The following KCNB2 variants were observed in gnomAD, a reference collection of about 807,000 sequenced individuals.
The protein encoded by KCNB2 is potassium voltage-gated channel subfamily B member 2.
In KCNB2, 15 loss-of-function variants were observed where a neutral mutation model predicts 61.5. The observed-to-expected ratio is 0.24, with a 90% CI of 0.16 to 0.38. The LOEUF is 0.38. Ranked by LOEUF, KCNB2 falls within the 10% of genes least tolerant of loss-of-function variation. KCNB2 has a pLI of 1.00. For missense variants in KCNB2, 828 were observed against 1,125.2 expected, an observed-to-expected ratio of 0.74 and a Z score of 3.78; for synonymous variants, 457 against 446.0, an observed-to-expected ratio of 1.02 and a Z score of -0.31.
intron 2 of KCNB2, among the ~76,000 whole-genome samples, chr8:72,919,258 C>A (rs1461801906): frequency 6.6e-6 from 1 of 152,132 alleles, no homozygotes; most frequent in Non-Finnish European, 1.5e-5. Context: ...GGTTCGTGGC[C>A]GAAGTGGAGT....
intron 2 of KCNB2, among the ~76,000 whole-genome samples, chr8:72,792,071 C>G (rs931844672): frequency 6.6e-5 from 10 of 152,180 alleles, no homozygotes; most frequent in African/African-American, 2.4e-4. Context: ...GGAAGGATGT[C>G]TTCATCCCAT....
At chr8:72,597,950 C>A (rs1355648199) in intron 2 of KCNB2, among the ~76,000 whole-genome samples, 1 of 152,142 alleles carries the variant, frequency 6.6e-6, no homozygotes, top group African/African-American at 2.4e-5. Flanking sequence ...AACAGAAATA[C>A]CATTCGACCC....
At chr8:72,697,760 T>C (rs763731621) in intron 2 of KCNB2, among the ~76,000 whole-genome samples, 12 of 152,182 alleles carry the variant, frequency 7.9e-5, no homozygotes, top group Non-Finnish European at 1.6e-4. Context: ...GTTATTCTCA[T>C]TAAAAAAATG....
At chr8:72,815,884 G>T (rs1366371743) in intron 2 of KCNB2, among the ~76,000 whole-genome samples, 1 of 152,038 alleles carries the variant, frequency 6.6e-6, no homozygotes, top group Non-Finnish European at 1.5e-5. Context: ...AAGCTTGTGA[G>T]AACTACATGA....
chr8:72,569,189 A>C (rs1806673296), intron 2 of KCNB2, among the ~76,000 whole-genome samples: 2 of 152,192 alleles, frequency 1.3e-5, no homozygotes, highest in South Asian at 4.1e-4. Flanking sequence ...AAAATTCAAA[A>C]AGCCATCTTT....
chr8:72,784,726 G>A (rs555124555), intron 2 of KCNB2, among the ~76,000 whole-genome samples: 4 of 152,238 alleles, frequency 2.6e-5, no homozygotes, highest in Admixed American at 6.5e-5. Flanking sequence ...CCAACACATG[G>A]GGATTATAAT....
In KCNB2 at chr8:72,847,355, A is replaced by T. The variant is rs1810013514; in HGVS notation, c.580-88580A>T. On this transcript the variant is annotated intron_variant, in intron 2 of 2. Transcript: ENST00000523207. ...AACATCGCCCCCTTGTGGTCTTCCC[A>T]TCTCCACTTCAACATGGGACCTCCC... is the stretch of plus-strand genomic sequence containing the variant. Among the ~76,000 whole-genome samples, 7 of 152,162 alleles carry T rather than the reference A, an allele frequency of 4.6e-5. No homozygotes were observed. The South Asian group carries it at 1.5e-3, about 32-fold the overall frequency.
At chr8:72,787,630 A>G (rs1320388324) in intron 2 of KCNB2, among the ~76,000 whole-genome samples, 19 of 152,246 alleles carry the variant, frequency 1.2e-4, no homozygotes, top group Admixed American at 1.2e-3. Context: ...AGGAATTACA[A>G]CTGGAGATTG....
chr8:72,788,915 G>A (rs753995994), intron 2 of KCNB2, among the ~76,000 whole-genome samples: 3 of 152,030 alleles, frequency 2.0e-5, no homozygotes, highest in Non-Finnish European at 4.4e-5. Context: ...TAAATTCCAA[G>A]GAGCAAAAAC....
At chr8:72,742,623 G>A (rs542071858) in intron 2 of KCNB2, among the ~76,000 whole-genome samples, 1 of 152,270 alleles carries the variant, frequency 6.6e-6, no homozygotes, top group Non-Finnish European at 1.5e-5. Flanking sequence ...AAATAATGTG[G>A]TGATCAACCT....
chr8:72,605,954 GA>G (rs1173824217), intron 2 of KCNB2, among the ~76,000 whole-genome samples: 1 of 151,996 alleles, frequency 6.6e-6, no homozygotes, highest in Non-Finnish European at 1.5e-5. Context: ...ACAAAAGGAG[GA>G]AGAAAATTGT....
At chr8:72,927,325 C>G (rs1158970370) in intron 2 of KCNB2, among the ~76,000 whole-genome samples, 1 of 151,518 alleles carries the variant, frequency 6.6e-6, no homozygotes, top group Non-Finnish European at 1.5e-5. Context: ...GGCTGGAGTG[C>G]AGTGGTGCGA....
At chr8:72,719,646 A>T (rs544056902) in intron 2 of KCNB2, among the ~76,000 whole-genome samples, 13 of 152,274 alleles carry the variant, frequency 8.5e-5, no homozygotes, top group African/African-American at 2.9e-4. Context: ...TTAAAAGTAG[A>T]AAAAAGCTTC....
chr8:72,685,857 C>T (rs775721558), intron 2 of KCNB2, among the ~76,000 whole-genome samples: 27 of 152,236 alleles, frequency 1.8e-4, no homozygotes, highest in Non-Finnish European at 3.5e-4. Flanking sequence ...GGCGTGGTGG[C>T]GCATGCCTGT....
chr8:72,820,482 C>T (rs1261473321), intron 2 of KCNB2, among the ~76,000 whole-genome samples: 1 of 152,122 alleles, frequency 6.6e-6, no homozygotes, highest in African/African-American at 2.4e-5. Context: ...CAATTCCCAA[C>T]TGCAAAACAG....
chr8:72,805,386 T>C (rs1014977375), intron 2 of KCNB2, among the ~76,000 whole-genome samples: 17 of 152,164 alleles, frequency 1.1e-4, no homozygotes, highest in African/African-American at 3.6e-4. Flanking sequence ...AAAAAGATAC[T>C]GTTGCTCTCA....
At chr8:72,687,817 A>T (rs993398291) in intron 2 of KCNB2, among the ~76,000 whole-genome samples, 4 of 152,176 alleles carry the variant, frequency 2.6e-5, no homozygotes, top group African/African-American at 9.7e-5. Flanking sequence ...AAGGTGCATG[A>T]TGCCTCCATA....
chr8:72,843,305 T>G (rs945200287), intron 2 of KCNB2, among the ~76,000 whole-genome samples: 8 of 152,220 alleles, frequency 5.3e-5, no homozygotes, highest in Non-Finnish European at 1.2e-4. Flanking sequence ...GAGAGACTGT[T>G]TGTTATGATT....
intron 2 of KCNB2, among the ~76,000 whole-genome samples, chr8:72,762,081 G>A (rs1550464): frequency 0.031 from 4,758 of 152,236 alleles, 180 homozygotes; most frequent in African/African-American, 0.083. Flanking sequence ...GAAATACATT[G>A]TACTACCTGC....
Sources: allele counts gnomAD v4.1 joint callset (sites outside exome capture counted in the v4.1 genomes callset), GRCh38; gene constraint gnomAD v4.1.1; transcripts MANE v1.5; gene names NCBI Gene and HGNC (gene_info 2026-07-23, HGNC 2026-07-21).